STX8: variants seen among roughly 807,000 people sequenced by gnomAD.
The protein encoded by STX8 is syntaxin-8.
In STX8, 23 loss-of-function variants were observed where a neutral mutation model predicts 37.5. The ratio of observed to expected loss-of-function variants is 0.61; its 90% confidence interval spans 0.44 to 0.87. The LOEUF (loss-of-function observed/expected upper bound fraction) is 0.87. STX8 is among the 40% of genes least tolerant of loss of function. The pLI is 0.00. For synonymous variants in STX8, 115 were observed against 99.1 expected (o/e 1.16, Z -0.95); for missense variants, 313 against 284.7 (o/e 1.10, Z -0.71).
At chr17:9,265,430 G>A (rs958974138) in intron 7 of STX8, among the ~76,000 whole-genome samples, 4 of 152,236 alleles carry the variant, frequency 2.6e-5, no homozygotes, top group African/African-American at 9.6e-5. Context: ...GGCCCACTGG[G>A]GGCCTGGCTC....
chr17:9,497,540 G>A (rs1904451540), intron 5 of STX8, among the ~76,000 whole-genome samples: 1 of 152,206 alleles, frequency 6.6e-6, no homozygotes, highest in Non-Finnish European at 1.5e-5. Flanking sequence ...GATTGGCTAT[G>A]GGTTGACAAT....
chr17:9,374,008 T>G (rs1476609842), intron 7 of STX8, among the ~76,000 whole-genome samples: 3 of 152,054 alleles, frequency 2.0e-5, no homozygotes, highest in African/African-American at 7.2e-5. Flanking sequence ...GAATTTCTTT[T>G]TTTTAATGCC....
chr17:9,373,248 T>G (rs1323852341), intron 7 of STX8, among the ~76,000 whole-genome samples: 2 of 152,192 alleles, frequency 1.3e-5, no homozygotes, highest in Non-Finnish European at 2.9e-5. Flanking sequence ...AATTACCATT[T>G]TATCCAACAA....
chr17:9,457,141 G>A (rs1284079480), intron 6 of STX8, among the ~76,000 whole-genome samples: 2 of 152,134 alleles, frequency 1.3e-5, no homozygotes, highest in Non-Finnish European at 2.9e-5. Flanking sequence ...TTTCCATCTC[G>A]TTACTAGTTT....
At chr17:9,457,933 T>C (rs1567569552) in intron 6 of STX8, among the ~76,000 whole-genome samples, 1 of 152,174 alleles carries the variant, frequency 6.6e-6, no homozygotes, top group Non-Finnish European at 1.5e-5. Context: ...GATAAGAATT[T>C]GGAATGGATG....
At chr17:9,525,001 G>T (rs1417553618) in intron 4 of STX8, among the ~76,000 whole-genome samples, 2 of 152,074 alleles carry the variant, frequency 1.3e-5, no homozygotes, top group African/African-American at 4.8e-5. Context: ...TAGAGATGGG[G>T]TTTCACCATG....
chr17:9,342,037 T>G (rs1461806963), intron 7 of STX8, among the ~76,000 whole-genome samples: 1 of 151,994 alleles, frequency 6.6e-6, no homozygotes, highest in Non-Finnish European at 1.5e-5. Context: ...AGAAGACAAT[T>G]TTTCCACGGC....
chr17:9,423,698 A>T (rs1913524109), intron 6 of STX8, among the ~76,000 whole-genome samples: 2 of 152,306 alleles, frequency 1.3e-5, no homozygotes, highest in South Asian at 4.1e-4. Flanking sequence ...ATGTCTTTTT[A>T]TGAGCTTTCA....
intron 6 of STX8, among the ~76,000 whole-genome samples, chr17:9,442,916 G>A (rs1904718928): frequency 6.6e-6 from 1 of 152,198 alleles, no homozygotes; most frequent in African/African-American, 2.4e-5. Flanking sequence ...AGGGGAGTCA[G>A]TCAGGTATGG....
At chr17:9,311,665 G>GA (rs1395006148) in intron 7 of STX8, among the ~76,000 whole-genome samples, 1 of 152,154 alleles carries the variant, frequency 6.6e-6, no homozygotes, top group Non-Finnish European at 1.5e-5. Context: ...TACTAGCTGT[G>GA]TGGCCTTGGG....
intron 7 of STX8, among the ~76,000 whole-genome samples, chr17:9,348,661 C>T (rs1482419199): frequency 6.6e-6 from 1 of 152,288 alleles, no homozygotes; most frequent in African/African-American, 2.4e-5. Flanking sequence ...ACAGTCCCTG[C>T]ACTCAGGAAG....
intron 7 of STX8, among the ~76,000 whole-genome samples, chr17:9,320,106 G>A (rs1045056506): frequency 7.2e-5 from 11 of 151,798 alleles, no homozygotes; most frequent in African/African-American, 2.7e-4. Context: ...AGGCCGAGGT[G>A]GGCAGATCAC....
intron 2 of STX8, 136 bp from the exon 3 acceptor site, chr17:9,557,664 C>T (rs1027933886): frequency 5.5e-6 from 4 of 721,866 alleles, no homozygotes; most frequent in East Asian, 6.0e-5. Flanking sequence ...CAGCCCCTCA[C>T]GACAAACTCA....
intron 4 of STX8, among the ~76,000 whole-genome samples, chr17:9,518,050 C>A (rs1314205114): frequency 6.6e-6 from 1 of 151,352 alleles, no homozygotes; most frequent in Non-Finnish European, 1.5e-5. Flanking sequence ...AATAACTTAT[C>A]CTCCTATTAT....
intron 6 of STX8, among the ~76,000 whole-genome samples, chr17:9,435,098 G>A (rs1195080819): frequency 1.3e-5 from 2 of 152,148 alleles, no homozygotes; most frequent in Non-Finnish European, 2.9e-5. Context: ...AACAAGTCCT[G>A]CTGATCTCCT....
At chr17:9,256,359 A>G (rs971847656) in intron 7 of STX8, among the ~76,000 whole-genome samples, 1 of 152,184 alleles carries the variant, frequency 6.6e-6, no homozygotes, top group Non-Finnish European at 1.5e-5. Context: ...CACCGGGATC[A>G]AGAGTTTCTT....
chr17:9,254,794 C>T (rs1210118889), intron 7 of STX8, among the ~76,000 whole-genome samples: 5 of 152,128 alleles, frequency 3.3e-5, no homozygotes, highest in Non-Finnish European at 7.3e-5. Context: ...CCATATCCCC[C>T]GTACCTAGAA....
chr17:9,526,102 T>G (rs1358044180), intron 4 of STX8, among the ~76,000 whole-genome samples: 1 of 152,090 alleles, frequency 6.6e-6, no homozygotes, highest in Non-Finnish European at 1.5e-5. Context: ...GACGAAGTAT[T>G]CAAAGCCAGT....
intron 7 of STX8, among the ~76,000 whole-genome samples, chr17:9,341,751 G>A (rs1332523989): frequency 2.0e-5 from 3 of 152,160 alleles, no homozygotes; most frequent in African/African-American, 7.2e-5. Flanking sequence ...CATGACTCAA[G>A]TGCAGCTGAA....
Sources: gnomAD v4.1 joint callset for allele counts (sites outside exome capture counted in the v4.1 genomes callset) on GRCh38, gnomAD v4.1.1 for gene constraint, MANE v1.5 for transcripts, NCBI Gene and HGNC (gene_info 2026-07-23, HGNC 2026-07-21) for gene names.